Variants in HSD17B2 observed in about 807,000 individuals in gnomAD.
The protein encoded by HSD17B2 is hydroxysteroid 17-beta dehydrogenase 2, also known as 17-beta-hydroxysteroid dehydrogenase type 2.
Under a neutral mutation model 26.9 loss-of-function variants are expected in HSD17B2, and 32 were observed. That is an observed-to-expected ratio of 1.19 (90% confidence interval 0.90 to 1.60). The LOEUF is 1.60. Ranked by LOEUF, HSD17B2 falls within the 40% of genes most tolerant of loss-of-function variation. HSD17B2 has a pLI of 0.00. For synonymous variants in HSD17B2, 246 were observed against 186.7 expected, an observed-to-expected ratio of 1.32 and a Z score of -2.59; for missense variants, 613 against 468.6, an observed-to-expected ratio of 1.31 and a Z score of -2.85.
chr16:82,044,571 C>T (rs1002878346), intron 1 of HSD17B2: 3 of 152,256 alleles, frequency 2.0e-5, no homozygotes, highest in Non-Finnish European at 2.9e-5. Flanking sequence ...CCTTCTCAGT[C>T]CTGATCATTT....
At chr16:82,096,156 A>T (rs1904832835) in intron 4 of HSD17B2, 1 of 152,224 alleles carries the variant, frequency 6.6e-6, no homozygotes, top group Non-Finnish European at 1.5e-5. Context: ...ATTACACTTC[A>T]TATATTTTTA....
At chr16:82,035,824 T>A in intron 1 of HSD17B2, 135 bp downstream of exon 1, 2 of 934,032 alleles carry the variant, frequency 2.1e-6, no homozygotes, top group Non-Finnish European at 3.2e-6. Flanking sequence ...CCAAGTATTT[T>A]TCATGACACT....
Position 82,035,599 on chromosome 16 carries a change from A to C in HSD17B2, c.175A>C (p.Ile59Leu). The change falls in exon 1 of 5, where the codon ATC becomes CTC. Residue 59 changes from isoleucine (I) to leucine (L), a missense_variant. Transcript: ENST00000199936. ...LLILSPFWGL[I>L]LFSVSCFLMY... ...CATCCTGTCCCCTTTTTGGGGCTTG[A>C]TCCTCTTCTCGGTGTCATGCTTCCT... 2 of 1,612,106 alleles carry C rather than the reference A, an allele frequency of 1.2e-6. No homozygotes were observed. Among genetic ancestry groups the C allele is most frequent in the Non-Finnish European group, 1.7e-6 (2 of 1,179,536 alleles).
intron 1 of HSD17B2, among the ~76,000 whole-genome samples, chr16:82,039,319 G>C (rs1205385621): frequency 2.0e-5 from 3 of 148,158 alleles, no homozygotes; most frequent in African/African-American, 7.3e-5. Flanking sequence ...ACTATAGATG[G>C]AGTTAGCAGA....
chr16:82,045,209 A>C (rs1412034177), intron 1 of HSD17B2, among the ~76,000 whole-genome samples: 1 of 151,908 alleles, frequency 6.6e-6, no homozygotes, highest in Non-Finnish European at 1.5e-5. Context: ...TGCAAACTGC[A>C]GCTGGTATGA....
chr16:82,038,797 A>AG lies in HSD17B2; in HGVS notation c.265+3109dup, dbSNP rs557590030. On this transcript the variant is annotated intron_variant, in intron 1 of 4. Transcript: ENST00000199936. ...AAAAGGAAGAAGCCAGGTAAGGGTG[A>AG]GACATTGAGAAGTCCTCTGAAGATC... 1.3e-3 allele frequency among the ~76,000 whole-genome samples: 196 copies of AG among 152,308 alleles called. 2 individuals carry two copies. The highest frequency in any genetic ancestry group is 2.1e-4 in the Non-Finnish European group (14 of 68,030).
chr16:82,046,106 G>A (rs1913919382), intron 1 of HSD17B2, among the ~76,000 whole-genome samples: 1 of 152,210 alleles, frequency 6.6e-6, no homozygotes, highest in Admixed American at 6.5e-5. Context: ...GCCGTGGCTG[G>A]GGCCGAAGCT....
intron 1 of HSD17B2, among the ~76,000 whole-genome samples, chr16:82,059,622 G>A (rs1017988072): frequency 1.3e-5 from 2 of 152,150 alleles, no homozygotes; most frequent in Non-Finnish European, 2.9e-5. Context: ...GTGGGTGGGT[G>A]TTTTTAGGAC....
chr16:82,045,121 C>CAAAAAA (rs10565056), intron 1 of HSD17B2, among the ~76,000 whole-genome samples: 1 of 42,784 alleles, frequency 2.3e-5, no homozygotes, highest in African/African-American at 5.9e-5. Flanking sequence ...AAACTCTGTC[C>CAAAAAA]AAAAAAAAAA....
intron 4 of HSD17B2, chr16:82,096,710 G>T (rs955582753): frequency 5.3e-5 from 8 of 152,010 alleles, no homozygotes; most frequent in Admixed American, 4.6e-4. Context: ...ATTTCTAAAG[G>T]CCCAGTTGAA....
intron 3 of HSD17B2, among the ~76,000 whole-genome samples, chr16:82,086,769 C>G (rs1904539540): frequency 6.6e-6 from 1 of 152,236 alleles, no homozygotes. Context: ...TAAAATATCA[C>G]AAATCGTGTG....
At chr16:82,066,727 A>T (rs979348341) in intron 1 of HSD17B2, among the ~76,000 whole-genome samples, 3 of 151,798 alleles carry the variant, frequency 2.0e-5, no homozygotes, top group African/African-American at 7.3e-5. Flanking sequence ...TTAAAATTGG[A>T]TTTTATTAAT....
At chr16:82,094,795 A>C (rs1904792105) in intron 4 of HSD17B2, 1 of 152,222 alleles carries the variant, frequency 6.6e-6, no homozygotes, top group South Asian at 2.1e-4. Context: ...ATGCTAGATT[A>C]GCAGATTTTA....
intron 1 of HSD17B2, 60 bp from the exon 2 acceptor site, chr16:82,068,110 A>T: frequency 7.2e-7 from 1 of 1,388,226 alleles, no homozygotes; most frequent in Non-Finnish European, 1.0e-6. Context: ...TTTCCTTGTT[A>T]AATATTTTCT....
intron 1 of HSD17B2, among the ~76,000 whole-genome samples, chr16:82,065,687 G>C (rs1015899141): frequency 2.0e-5 from 3 of 152,170 alleles, no homozygotes; most frequent in African/African-American, 4.8e-5. Context: ...ACCACAAGAG[G>C]ATCATCCTGG....
At chr16:82,055,274 C>T (rs552340256) in intron 1 of HSD17B2, among the ~76,000 whole-genome samples, 1 of 152,308 alleles carries the variant, frequency 6.6e-6, no homozygotes, top group Admixed American at 6.5e-5. Context: ...CCTGCTCTGC[C>T]CTGTGCCTGG....
At chr16:82,045,037 C>T (rs1320349922) in intron 1 of HSD17B2, among the ~76,000 whole-genome samples, 2 of 146,258 alleles carry the variant, frequency 1.4e-5, no homozygotes, top group East Asian at 2.0e-4. Flanking sequence ...ACAGGAAAAT[C>T]GCTTGAACAT....
intron 1 of HSD17B2, among the ~76,000 whole-genome samples, chr16:82,065,376 G>T (rs1478750757): frequency 6.6e-6 from 1 of 152,126 alleles, no homozygotes; most frequent in Non-Finnish European, 1.5e-5. Context: ...AGGTCATGGT[G>T]TTTGTCTCTG....
chr16:82,055,120 T>A (rs570488689), intron 1 of HSD17B2, among the ~76,000 whole-genome samples: 15 of 152,188 alleles, frequency 9.9e-5, no homozygotes, highest in Non-Finnish European at 1.8e-4. Flanking sequence ...GAACTGAAAA[T>A]CACTGACTTA....
Sources: allele counts gnomAD v4.1 joint callset (sites outside exome capture counted in the v4.1 genomes callset), GRCh38; gene constraint gnomAD v4.1.1; transcripts MANE v1.5; gene names NCBI Gene and HGNC (gene_info 2026-07-23, HGNC 2026-07-21).